Variants in WDFY2 observed in about 807,000 individuals in gnomAD.
WDFY2 encodes WD repeat and FYVE domain containing 2.
In WDFY2, 36 loss-of-function variants were observed where a neutral mutation model predicts 56.4. The ratio of observed to expected loss-of-function variants is 0.64; its 90% CI spans 0.49 to 0.84. The LOEUF is 0.84. WDFY2 is among the 40% of genes least tolerant of loss of function. The pLI, the probability that WDFY2 is intolerant of heterozygous loss-of-function variation, is 0.00. For missense variants in WDFY2, 444 were observed against 512.2 expected (o/e 0.87, Z 1.29); for synonymous variants, 176 against 183.7 (o/e 0.96, Z 0.34).
Position 51,676,360 on chromosome 13 carries a change from C to T in WDFY2, c.279+1117C>T, listed in dbSNP as rs567305708. Among the ~76,000 whole-genome samples, 7 of 152,276 alleles carry T rather than the reference C, an allele frequency of 4.6e-5. No individual in the cohort carries two copies. The South Asian group carries it at 1.5e-3, about 32-fold the overall frequency. ...AAGAGAAGGGGAGTGGGCTGGCCCC[C>T]CGTGTCACCACAATATGGCGTGGAA... On this transcript the variant is annotated intron_variant, in intron 3 of 11. Coordinates refer to ENST00000298125, the MANE Select transcript of WDFY2 (RefSeq NM_052950.4).
At position 51,584,729 on chromosome 13, in the gene WDFY2, G is replaced by A; in HGVS notation, c.42G>A (p.Pro14=). 6.2e-7 allele frequency: 1 copy of A among 1,613,770 alleles called. No homozygotes were observed. The highest frequency in any genetic ancestry group is 8.5e-7 in the Non-Finnish European group (1 of 1,179,770). ...EIQPKPLTRK[P]ILLQRMEGSQ... ...AGCCCAAGCCTCTGACCCGCAAGCC[G>A]ATCCTGCTGCAGCGGATGGAGGGGT... Residue 14 remains proline, a synonymous_variant, in exon 1 of 12, where the codon CCG becomes CCA. Transcript: ENST00000298125.
Position 51,645,915 on chromosome 13 carries a change from C to G in WDFY2, c.138-14681C>G, listed in dbSNP as rs571468642. Among the ~76,000 whole-genome samples the G allele has an allele frequency of 2.6e-5, 4 of 152,270 alleles. No homozygotes were observed. The East Asian group carries it at 7.7e-4, about 29-fold the overall frequency. On this transcript the variant is annotated intron_variant, in intron 1 of 11. Transcript: ENST00000298125. ...CTGCAACAGCCCTAACTGGATTTTC[C>G]CTGCACTCAGGGTGTTCAAGATGAA...
chr13:51,729,089 C>T (rs1053519182), intron 6 of WDFY2, among the ~76,000 whole-genome samples: 1 of 152,190 alleles, frequency 6.6e-6, no homozygotes, highest in African/African-American at 2.4e-5. Flanking sequence ...CACGGCTTCT[C>T]AGCGTTCTCA....
At chr13:51,749,668 C>T (rs887817686) in intron 7 of WDFY2, among the ~76,000 whole-genome samples, 1 of 152,058 alleles carries the variant, frequency 6.6e-6, no homozygotes, top group Non-Finnish European at 1.5e-5. Flanking sequence ...TATAGCCTCA[C>T]TATAGCATAG....
At chr13:51,739,014 T>A (rs1346695827) in intron 6 of WDFY2, 35 bp from the exon 7 acceptor site, 4 of 1,526,450 alleles carry the variant, frequency 2.6e-6, no homozygotes, top group Non-Finnish European at 3.5e-6. Context: ...GAGTCTTACC[T>A]TGTGACTGAT....
At position 51,675,218 on chromosome 13, in the gene WDFY2, T is replaced by C; in HGVS notation, c.254T>C (p.Ile85Thr). The stretch of plus-strand genomic sequence containing the variant: ...AACCCGGAAACAAGAAGACTGTCCA[T>C]AGGTCTAGACAATGGTACAATCTCA... Reference protein sequence around the residue: ...SFNPETRRLSIGLDNGTISEF... With the variant: ...SFNPETRRLSTGLDNGTISEF... The change falls in exon 3 of 12, where the codon ATA becomes ACA. Residue 85 changes from isoleucine (I) to threonine (T), a missense_variant. By Grantham distance (89) the Ile-to-Thr change is moderately conservative. Coordinates refer to ENST00000298125, the MANE Select transcript of WDFY2 (RefSeq NM_052950.4). 1 of 1,613,842 alleles carries C rather than the reference T, an allele frequency of 6.2e-7. No homozygotes were observed. Among genetic ancestry groups the C allele is most frequent in the South Asian group, 1.1e-5 (1 of 91,080 alleles).
chr13:51,756,129 G>T (rs1953372551), intron 9 of WDFY2, among the ~76,000 whole-genome samples: 1 of 152,058 alleles, frequency 6.6e-6, no homozygotes, highest in South Asian at 2.1e-4. Flanking sequence ...CCTGTCAGGT[G>T]TGTTACCCAA....
At chr13:51,662,867 A>G (rs1955639635) in intron 2 of WDFY2, among the ~76,000 whole-genome samples, 2 of 152,230 alleles carry the variant, frequency 1.3e-5, no homozygotes, top group South Asian at 4.1e-4. Flanking sequence ...TCTACTAAAT[A>G]GAGTTAAAAA....
chr13:51,672,539 G>A (rs1332110901), intron 2 of WDFY2, among the ~76,000 whole-genome samples: 6 of 151,956 alleles, frequency 3.9e-5, no homozygotes. Flanking sequence ...GCTCTTTTTT[G>A]GTTCCATATA....
intron 1 of WDFY2, among the ~76,000 whole-genome samples, chr13:51,628,453 C>A (rs1197533825): frequency 1.3e-5 from 2 of 152,220 alleles, no homozygotes; most frequent in Non-Finnish European, 2.9e-5. Flanking sequence ...GCTTCCCAGG[C>A]CCCTGAGAGT....
chr13:51,664,720 C>T (rs1270197657), intron 2 of WDFY2, among the ~76,000 whole-genome samples: 1 of 152,192 alleles, frequency 6.6e-6, no homozygotes, highest in Admixed American at 6.5e-5. Context: ...TTGTACACCT[C>T]CTAATTCCTA....
intron 3 of WDFY2, among the ~76,000 whole-genome samples, chr13:51,687,265 AC>A (rs1956077214): frequency 2.0e-5 from 3 of 151,750 alleles, no homozygotes; most frequent in South Asian, 4.2e-4. Flanking sequence ...ATCAAAATAT[AC>A]CCTCCCCTGC....
intron 2 of WDFY2, among the ~76,000 whole-genome samples, chr13:51,661,955 GTTT>G (rs1010888678): frequency 2.0e-5 from 3 of 151,708 alleles, no homozygotes; most frequent in African/African-American, 7.3e-5. Flanking sequence ...TTTTTTTCCT[GTTT>G]TTTTGTTTAT....
At chr13:51,687,991 C>T (rs141921485) in intron 3 of WDFY2, among the ~76,000 whole-genome samples, 8 of 152,044 alleles carry the variant, frequency 5.3e-5, no homozygotes, top group African/African-American at 1.9e-4. Flanking sequence ...CAAAGATAAA[C>T]GTAGTTTACT....
chr13:51,629,316 C>G (rs1005363246), intron 1 of WDFY2, among the ~76,000 whole-genome samples: 1 of 152,040 alleles, frequency 6.6e-6, no homozygotes, highest in Non-Finnish European at 1.5e-5. Flanking sequence ...AATTAGATAC[C>G]TAAAAGAATT....
intron 5 of WDFY2, among the ~76,000 whole-genome samples, chr13:51,725,320 G>T (rs1952580434): frequency 6.6e-6 from 1 of 152,186 alleles, no homozygotes. Flanking sequence ...TATTCTACCA[G>T]TGATGGGGGC....
chr13:51,621,302 C>G (rs945085134), intron 1 of WDFY2, among the ~76,000 whole-genome samples: 1 of 152,056 alleles, frequency 6.6e-6, no homozygotes, highest in Non-Finnish European at 1.5e-5. Flanking sequence ...ATCAAGAGTC[C>G]GAGACCAGCC....
intron 1 of WDFY2, among the ~76,000 whole-genome samples, chr13:51,616,430 A>G (rs1181786880): frequency 1.3e-4 from 20 of 152,272 alleles, no homozygotes. Context: ...TCAATTACCT[A>G]GTACTCACCT....
At chr13:51,701,897 G>GGGTCAA (rs1174369609) in intron 3 of WDFY2, among the ~76,000 whole-genome samples, 2 of 152,200 alleles carry the variant, frequency 1.3e-5, no homozygotes, top group East Asian at 1.9e-4. Flanking sequence ...TTGGGGGTCA[G>GGGTCAA]GGTCAAGGTC....
Sources: gnomAD v4.1 joint callset for allele counts (sites outside exome capture counted in the v4.1 genomes callset) on GRCh38, gnomAD v4.1.1 for gene constraint, MANE v1.5 for transcripts, NCBI Gene and HGNC (gene_info 2026-07-23, HGNC 2026-07-21) for gene names.